The following TRAPPC9 variants were observed in gnomAD, a reference collection of about 807,000 sequenced individuals.
TRAPPC9 encodes the protein IKK2 binding protein.
A neutral mutation model predicts 124.0 loss-of-function variants in TRAPPC9; 83 were observed. That is an observed-to-expected ratio of 0.67 (90% CI 0.56 to 0.80). The LOEUF (loss-of-function observed/expected upper bound fraction) is 0.80, where lower values mean the gene tolerates loss of function less well. TRAPPC9 is among the 30% of genes least tolerant of loss of function. TRAPPC9 has a pLI of 0.00. For missense variants in TRAPPC9, 1,302 were observed against 1,508.3 expected (o/e 0.86, Z 2.27); for synonymous variants, 638 against 617.5 (o/e 1.03, Z -0.49).
chr8:139,745,353 A>G (rs746914948), intron 21 of TRAPPC9, among the ~76,000 whole-genome samples: 1 of 152,192 alleles, frequency 6.6e-6, no homozygotes. Context: ...AGTGAAGGAG[A>G]GGGCTGAGCT....
intron 2 of TRAPPC9, among the ~76,000 whole-genome samples, 179 bp from the exon 3 acceptor site, chr8:140,439,376 C>A (rs1393474343): frequency 6.6e-6 from 1 of 152,156 alleles, no homozygotes; most frequent in African/African-American, 2.4e-5. Context: ...GTCTTAATTT[C>A]AAAAATGTAC....
At chr8:140,123,879 G>A (rs2130637292) in intron 17 of TRAPPC9, among the ~76,000 whole-genome samples, 1 of 152,300 alleles carries the variant, frequency 6.6e-6, no homozygotes, top group East Asian at 1.9e-4. Flanking sequence ...CATCAGGAGA[G>A]GCTAGGTTAT....
chr8:140,319,456 C>T (rs1359335621), intron 9 of TRAPPC9, among the ~76,000 whole-genome samples: 1 of 144,398 alleles, frequency 6.9e-6, no homozygotes, highest in Non-Finnish European at 1.5e-5. Context: ...GGATTACAGG[C>T]TTGAGCCACC....
At chr8:140,372,283 C>A (rs933514300) in intron 7 of TRAPPC9, among the ~76,000 whole-genome samples, 1 of 152,206 alleles carries the variant, frequency 6.6e-6, no homozygotes. Flanking sequence ...CCCTCCTCTG[C>A]CCTGGACGAT....
chr8:139,811,608 A>T (rs1488816721), intron 21 of TRAPPC9, among the ~76,000 whole-genome samples: 4 of 152,244 alleles, frequency 2.6e-5, no homozygotes, highest in African/African-American at 9.6e-5. Flanking sequence ...GGAGCTCGGA[A>T]TCTGGATGGC....
chr8:139,844,156 C>A (rs1465271253), intron 21 of TRAPPC9, among the ~76,000 whole-genome samples: 2 of 152,240 alleles, frequency 1.3e-5, no homozygotes, highest in African/African-American at 4.8e-5. Context: ...ATCAAGGAAA[C>A]CTCCTCATCG....
chr8:140,452,311 T>C (rs1297085501), intron 1 of TRAPPC9, among the ~76,000 whole-genome samples: 1 of 147,142 alleles, frequency 6.8e-6, no homozygotes, highest in African/African-American at 2.5e-5. Flanking sequence ...TCCCAGCTAC[T>C]TGGGAGGCTG....
chr8:139,764,761 C>T (rs944043861), intron 21 of TRAPPC9, among the ~76,000 whole-genome samples: 1 of 152,098 alleles, frequency 6.6e-6, no homozygotes, highest in Non-Finnish European at 1.5e-5. Flanking sequence ...GTGAGGCGAC[C>T]GGCTAGAGGA....
intron 19 of TRAPPC9, among the ~76,000 whole-genome samples, chr8:139,910,548 T>TA (rs1201904066): frequency 6.6e-6 from 1 of 152,184 alleles, no homozygotes; most frequent in Non-Finnish European, 1.5e-5. Flanking sequence ...AGACCTGTGT[T>TA]ACCCCAGATA....
At chr8:140,312,755 CTTCT>C (rs752408348) in intron 9 of TRAPPC9, among the ~76,000 whole-genome samples, 55 of 143,744 alleles carry the variant, frequency 3.8e-4, no homozygotes, top group Admixed American at 1.6e-3. Context: ...TCTTCTTCTT[CTTCT>C]TTTTTTTTTT....
intron 1 of TRAPPC9, 116 bp downstream of exon 1, chr8:140,457,523 A>T: frequency 1.2e-6 from 1 of 841,422 alleles, no homozygotes; most frequent in Non-Finnish European, 1.4e-6. Context: ...CCGCCCGGAC[A>T]GGTGAGGGCC....
intron 2 of TRAPPC9, among the ~76,000 whole-genome samples, chr8:140,446,930 A>G (rs1042348750): frequency 6.6e-6 from 1 of 152,144 alleles, no homozygotes; most frequent in African/African-American, 2.4e-5. Flanking sequence ...AGCAAAAGAA[A>G]AGACAGCCGC....
intron 5 of TRAPPC9, among the ~76,000 whole-genome samples, chr8:140,423,847 T>C (rs1176891305): frequency 6.6e-6 from 1 of 152,030 alleles, no homozygotes. Context: ...AAACATACAG[T>C]AAGTGAAAGA....
At chr8:140,113,212 C>A (rs1249411238) in intron 17 of TRAPPC9, among the ~76,000 whole-genome samples, 1 of 152,170 alleles carries the variant, frequency 6.6e-6, no homozygotes, top group East Asian at 1.9e-4. Context: ...AGAACATAGT[C>A]CCCTGGACAG....
chr8:140,362,408 T>C (rs1328901850), intron 8 of TRAPPC9, among the ~76,000 whole-genome samples: 2 of 152,214 alleles, frequency 1.3e-5, no homozygotes, highest in Admixed American at 6.5e-5. Context: ...ATTTTGATAA[T>C]GATTTAATCT....
intron 18 of TRAPPC9, among the ~76,000 whole-genome samples, chr8:140,010,081 G>T (rs1463574683): frequency 6.6e-6 from 1 of 152,098 alleles, no homozygotes; most frequent in Non-Finnish European, 1.5e-5. Flanking sequence ...ATGACTTTTT[G>T]TAAGTCTTAT....
intron 9 of TRAPPC9, among the ~76,000 whole-genome samples, chr8:140,339,581 G>T (rs1323923342): frequency 2.6e-5 from 4 of 152,138 alleles, no homozygotes; most frequent in African/African-American, 9.7e-5. Context: ...CTCCTCATCT[G>T]GTCCTTTGTC....
At chr8:139,897,248 G>T (rs1830720054) in intron 20 of TRAPPC9, among the ~76,000 whole-genome samples, 1 of 152,168 alleles carries the variant, frequency 6.6e-6, no homozygotes, top group Non-Finnish European at 1.5e-5. Context: ...TTGCTCACAT[G>T]CCCTGCTGGT....
intron 5 of TRAPPC9, among the ~76,000 whole-genome samples, chr8:140,414,834 C>T (rs1442789419): frequency 6.6e-6 from 1 of 152,054 alleles, no homozygotes; most frequent in Non-Finnish European, 1.5e-5. Context: ...CTCTGCCTCC[C>T]AGGTTCAAGC....
Sources: allele counts gnomAD v4.1 joint callset (sites outside exome capture counted in the v4.1 genomes callset), GRCh38; gene constraint gnomAD v4.1.1; transcripts MANE v1.5; gene names NCBI Gene and HGNC (gene_info 2026-07-23, HGNC 2026-07-21).